Variants in RPF1 observed in about 807,000 individuals in gnomAD.
RPF1 encodes the protein ribosome production factor 1.
RPF1 carries 34 observed loss-of-function variants against 41.9 expected under a neutral mutation model. The observed-to-expected ratio is 0.81, with a 90% CI of 0.62 to 1.08. RPF1 has a LOEUF of 1.08. Among genes scored for constraint, RPF1 ranks in the 50% least tolerant of loss-of-function variants. The pLI is 0.00. For synonymous variants in RPF1, 140 were observed against 148.9 expected (o/e 0.94, Z 0.43); for missense variants, 425 against 435.2 (o/e 0.98, Z 0.21).
At chr1:84,492,714 A>T (rs7555821) in intron 5 of RPF1, among the ~76,000 whole-genome samples, 29,192 of 152,108 alleles carry the variant, frequency 0.19, 4,335 homozygotes, top group African/African-American at 0.41. Flanking sequence ...CTAAATGGGG[A>T]ACTACTGTTA....
At chr1:84,487,239 T>C (rs1357547339) in intron 3 of RPF1, among the ~76,000 whole-genome samples, 2 of 152,178 alleles carry the variant, frequency 1.3e-5, no homozygotes, top group African/African-American at 4.8e-5. Flanking sequence ...TTCAAAGTAG[T>C]GGTTGTATCA....
rs1184319602 is a variant in RPF1, at chr1:84,496,078, C to G, written c.881+15C>G. On this transcript the variant is annotated intron_variant, in intron 7 of 8. Transcript: ENST00000370654. ...AGATTTCACAGGTGAGGAAGGTAAA[C>G]TCATTGAACTTTGATTTCAATTATG... 1.9e-6 allele frequency: 3 copies of G among 1,566,356 alleles called. No homozygotes were observed. The highest frequency in any genetic ancestry group is 3.8e-5 in the Admixed American group (2 of 52,320).
At chr1:84,492,246 A>T (rs1681847459) in intron 5 of RPF1, among the ~76,000 whole-genome samples, 1 of 152,306 alleles carries the variant, frequency 6.6e-6, no homozygotes, top group East Asian at 1.9e-4. Flanking sequence ...CATGGGGGGA[A>T]AGTTGAAAAA....
At position 84,498,009 on chromosome 1, in the gene RPF1, G is replaced by A. The variant is rs1345791781; in HGVS notation, c.*539G>A. Reference sequence around the variant, plus strand: ...TTGCTTCCTGATTTTGAGGTTTTTGGTTTTTTGTGCCCACGTTGTGGGGAG... The same window carrying A: ...TTGCTTCCTGATTTTGAGGTTTTTGATTTTTTGTGCCCACGTTGTGGGGAG... On this transcript the variant is annotated 3_prime_UTR_variant, in exon 9 of 9. Transcript: ENST00000370654. Among the ~76,000 whole-genome samples the A allele has an allele frequency of 8.5e-5, 13 of 152,270 alleles. No individual in the cohort carries two copies. The East Asian group carries it at 2.5e-3, about 29-fold the overall frequency.
intron 1 of RPF1, 147 bp downstream of exon 1, chr1:84,479,656 C>G: frequency 1.4e-6 from 1 of 714,094 alleles, no homozygotes; most frequent in South Asian, 1.9e-5. Flanking sequence ...CCCACGTGTT[C>G]TGGTCCCCTC....
chr1:84,485,448 A>C (rs562979271), intron 3 of RPF1, among the ~76,000 whole-genome samples: 1 of 152,048 alleles, frequency 6.6e-6, no homozygotes, highest in Non-Finnish European at 1.5e-5. Context: ...CATGACACAA[A>C]CTTTTGACTG....
rs1348200567 is a variant in RPF1 at position 84,496,315 on chromosome 1, C to A, written c.953C>A (p.Ser318Tyr). Residue 318 changes from serine (S) to tyrosine (Y), a missense_variant, in exon 8 of 9, where the codon TCT (serine) becomes TAT (tyrosine). Transcript: ENST00000370654. ...CCACGTTTTACCTTAAAATTAAGGTCTCTTCAGAAAGGAACCTTTGATTCT... is the reference window on the plus strand; with the variant it reads ...CCACGTTTTACCTTAAAATTAAGGTATCTTCAGAAAGGAACCTTTGATTCT... ...LGPRFTLKLR[S>Y]LQKGTFDSKY... 2 of 1,611,022 alleles carry A rather than the reference C, an allele frequency of 1.2e-6. No individual in the cohort carries two copies. The highest frequency in any genetic ancestry group is 2.2e-5 in the East Asian group (1 of 44,852).
In RPF1 at chr1:84,480,984, A is replaced by C; in HGVS notation, c.257A>C (p.Lys86Thr). The C allele has an allele frequency of 6.3e-7, 1 of 1,596,276 alleles. No homozygotes were observed. The highest frequency in any genetic ancestry group is 2.2e-5 in the East Asian group (1 of 44,634). Residue 86 changes from lysine to threonine, a missense_variant, in exon 2 of 9, where the codon AAA (lysine) becomes ACA (threonine). Transcript: ENST00000370654. ...KEKLAAKKKL[K>T]KEREALGDKA... ...AAGTTGGCAGCTAAGAAAAAACTTA[A>C]AAAAGAAAGAGAGGCTCTTGGCGAT...
chr1:84,489,140 T>C lies in RPF1; in HGVS notation c.367-493T>C, dbSNP rs190775654. 5.9e-3 allele frequency among the ~76,000 whole-genome samples: 898 copies of C among 152,314 alleles called. 9 individuals are homozygous for C. The highest frequency in any genetic ancestry group is 9.2e-3 in the Non-Finnish European group (629 of 68,018). ...TGATTTGCTCAATATATATTTTTTC[T>C]AATATGAGCAGGTATAGCCATAAAA... On this transcript the variant is annotated intron_variant, in intron 3 of 8. Transcript: ENST00000370654.
chr1:84,482,566 C>T (rs547075319), intron 2 of RPF1, among the ~76,000 whole-genome samples: 4 of 152,022 alleles, frequency 2.6e-5, no homozygotes, highest in East Asian at 1.9e-4. Flanking sequence ...GTACGGATGT[C>T]GCTTTGTTAT....
At chr1:84,486,451 G>T (rs921853817) in intron 3 of RPF1, among the ~76,000 whole-genome samples, 9 of 152,118 alleles carry the variant, frequency 5.9e-5, no homozygotes, top group Admixed American at 1.3e-4. Context: ...AGCCAGGTGT[G>T]GTGGCGGGCA....
chr1:84,496,748 G>A (rs1018371480), intron 8 of RPF1, among the ~76,000 whole-genome samples: 5 of 152,134 alleles, frequency 3.3e-5, no homozygotes, highest in Admixed American at 1.3e-4. Context: ...GGACCCAGCA[G>A]CAATCTGCTT....
chr1:84,493,494 G>C (rs1368367123), intron 5 of RPF1, among the ~76,000 whole-genome samples: 1 of 151,954 alleles, frequency 6.6e-6, no homozygotes, highest in Non-Finnish European at 1.5e-5. Context: ...GGAGGTTGAG[G>C]TGGGAGGATT....
chr1:84,486,973 A>G (rs1290177723), intron 3 of RPF1, among the ~76,000 whole-genome samples: 3 of 152,172 alleles, frequency 2.0e-5, no homozygotes, highest in Non-Finnish European at 4.4e-5. Flanking sequence ...AAGGAGATTT[A>G]AGGGGAAATC....
In RPF1 at chr1:84,498,319, A is replaced by AAAAT. The variant is rs1315394480; in HGVS notation, c.*853_*856dup. 1 of 152,648 alleles carries AAAAT rather than the reference A, an allele frequency of 6.6e-6. No individual in the cohort carries two copies. Among genetic ancestry groups the AAAAT allele is most frequent in the Non-Finnish European group, 1.5e-5 (1 of 68,034 alleles). The allele number at this position is 152,648 out of a possible 1,614,324, so 9.5% of individuals were successfully genotyped here. On this transcript the variant is annotated 3_prime_UTR_variant, in exon 9 of 9. Transcript: ENST00000370654. ...ATGTATTTAATACCAATAATAATGCAAAATAAAAGTTTCATACTAAGTTTT... is the reference window on the plus strand; with the variant it reads ...ATGTATTTAATACCAATAATAATGCAAAATAAATAAAAGTTTCATACTAAGTTTT...
At chr1:84,493,478 T>A (rs902066418) in intron 5 of RPF1, among the ~76,000 whole-genome samples, 1 of 152,030 alleles carries the variant, frequency 6.6e-6, no homozygotes, top group African/African-American at 2.4e-5. Context: ...TAGTCCCATT[T>A]ACTTGGGAGG....
chr1:84,496,189 CATA>C, intron 7 of RPF1, 52 bp from the exon 8 acceptor site: 1 of 1,539,940 alleles, frequency 6.5e-7, no homozygotes, highest in South Asian at 1.2e-5. Flanking sequence ...TGAACCCTGT[CATA>C]ATGTTAAACA....
In RPF1 at chr1:84,497,398, C is replaced by T. The variant is rs751664662; in HGVS notation, c.1009-31C>T. On this transcript the variant is annotated intron_variant, in intron 8 of 8. Transcript: ENST00000370654. ...GTTAATTATATTTTTGTTTTGTTTT[C>T]TTCCTCCACTCCCTTGCTTTCCACT... is the stretch of plus-strand genomic sequence containing the variant. 2.5e-6 allele frequency: 4 copies of T among 1,589,216 alleles called. No homozygotes were observed. In the African/African-American group the frequency reaches 5.4e-5, roughly 22 times the overall value.
intron 3 of RPF1, among the ~76,000 whole-genome samples, chr1:84,487,843 A>C (rs933531059): frequency 4.6e-5 from 7 of 151,868 alleles, no homozygotes; most frequent in Non-Finnish European, 2.9e-5. Context: ...GTTTTAATGT[A>C]CTCTTACAAT....
Sources: allele counts gnomAD v4.1 joint callset (sites outside exome capture counted in the v4.1 genomes callset), GRCh38; gene constraint gnomAD v4.1.1; transcripts MANE v1.5; gene names NCBI Gene and HGNC (gene_info 2026-07-23, HGNC 2026-07-21).